Variants in DPEP1 observed in about 807,000 individuals in gnomAD.
DPEP1 encodes the protein beta-lactamase.
In DPEP1, 50 loss-of-function variants were observed where a neutral mutation model predicts 42.3. The observed-to-expected ratio is 1.18, with a 90% CI of 0.94 to 1.50. The LOEUF (loss-of-function observed/expected upper bound fraction) is 1.50. DPEP1 is among the 40% of genes most tolerant of loss of function. The pLI is 0.00. For synonymous variants in DPEP1, 297 were observed against 234.0 expected (o/e 1.27, Z -2.46); for missense variants, 663 against 553.0 (o/e 1.20, Z -1.99).
intron 1 of DPEP1, among the ~76,000 whole-genome samples, chr16:89,622,904 G>C (rs979475637): frequency 6.6e-6 from 1 of 152,074 alleles, no homozygotes; most frequent in Admixed American, 6.6e-5. Context: ...GGACTAGGGG[G>C]CCTCACTGGG....
intron 1 of DPEP1, among the ~76,000 whole-genome samples, chr16:89,617,183 G>C (rs1475265844): frequency 6.6e-6 from 1 of 152,162 alleles, no homozygotes; most frequent in Non-Finnish European, 1.5e-5. Context: ...AGACAGGGTG[G>C]AGCTAGAACA....
chr16:89,615,093 C>G (rs184854163), intron 1 of DPEP1, among the ~76,000 whole-genome samples: 1 of 152,184 alleles, frequency 6.6e-6, no homozygotes, highest in Non-Finnish European at 1.5e-5. Context: ...GGCCTCCAAA[C>G]GTGGAAGTGT....
intron 2 of DPEP1, among the ~76,000 whole-genome samples, chr16:89,632,762 G>C (rs1464804669): frequency 6.6e-6 from 1 of 152,158 alleles, no homozygotes; most frequent in African/African-American, 2.4e-5. Flanking sequence ...TCTCCAGCAA[G>C]AGTGGAGAGG....
chr16:89,629,335 C>A (rs2059555079), intron 1 of DPEP1, among the ~76,000 whole-genome samples: 1 of 152,046 alleles, frequency 6.6e-6, no homozygotes, highest in Non-Finnish European at 1.5e-5. Context: ...GACCCCATCT[C>A]TACAAAAAAT....
Position 89,637,673 on chromosome 16 carries a change from G to A in DPEP1, c.895G>A (p.Val299Met), listed in dbSNP as rs185952042. 62 of 1,613,056 alleles carry A rather than the reference G, an allele frequency of 3.8e-5. No individual in the cohort carries two copies. Among genetic ancestry groups the A allele is most frequent in the African/African-American group, 2.3e-4 (17 of 75,056 alleles). The change falls in exon 9 of 11, where the codon GTG becomes ATG. Residue 299 changes from valine (V) to methionine (M), a missense_variant. Physicochemically the swap from Val to Met is conservative, Grantham distance 21. Transcript: ENST00000690203. ...HIKEVAGARA[V>M]GFGGDFDGVP... is the part of the protein sequence containing the mutation. ...CAAGGAGGTGGCAGGAGCCAGAGCCGTGGGTTTTGGTGGGGACTTTGATGG... is the reference window on the plus strand; with the variant it reads ...CAAGGAGGTGGCAGGAGCCAGAGCCATGGGTTTTGGTGGGGACTTTGATGG...
intron 2 of DPEP1, among the ~76,000 whole-genome samples, chr16:89,631,125 T>A: frequency 6.6e-6 from 1 of 152,070 alleles, no homozygotes; most frequent in East Asian, 1.9e-4. Flanking sequence ...ACAGGCCCTC[T>A]CAGCCGGCAT....
At chr16:89,639,011 C>T (rs1377145041), downstream of DPEP1, among the ~76,000 whole-genome samples, 1 of 88,772 alleles carries the variant, frequency 1.1e-5, no homozygotes, top group African/African-American at 5.1e-5. Context: ...ACACACACAC[C>T]GCACCCCTGC....
rs1385640755 is a variant in DPEP1 at position 89,630,297 on chromosome 16, C to T, written c.-106-8C>T. On this transcript the variant is annotated splice_region_variant and splice_polypyrimidine_tract_variant and intron_variant, in intron 1 of 10. Transcript: ENST00000690203. ...TTCCACCCACACCTCTGGTGCCTCTCCTGGCAGGCAGAGTGGCTCCTCACA... is the reference window on the plus strand; with the variant it reads ...TTCCACCCACACCTCTGGTGCCTCTTCTGGCAGGCAGAGTGGCTCCTCACA... The T allele has an allele frequency of 3.9e-6, 3 of 766,474 alleles. No homozygotes were observed. The highest frequency in any genetic ancestry group is 6.1e-5 in the East Asian group (2 of 33,056). 47.5% of individuals were successfully genotyped at this position (766,474 alleles called of 1,614,324 possible).
chr16:89,621,009 G>A (rs1249075223), intron 1 of DPEP1, among the ~76,000 whole-genome samples: 1 of 152,184 alleles, frequency 6.6e-6, no homozygotes, highest in Non-Finnish European at 1.5e-5. Flanking sequence ...CGGGTGGGGG[G>A]CCTCAGCTCG....
chr16:89,633,009 G>A (rs1406432176), intron 2 of DPEP1, among the ~76,000 whole-genome samples: 2 of 152,126 alleles, frequency 1.3e-5, no homozygotes, highest in Admixed American at 6.5e-5. Context: ...CCCTCCAAGG[G>A]CGGCTCCTGG....
At chr16:89,627,345 G>A (rs1428583581) in intron 1 of DPEP1, among the ~76,000 whole-genome samples, 2 of 151,658 alleles carry the variant, frequency 1.3e-5, no homozygotes, top group Non-Finnish European at 2.9e-5. Context: ...CACTGTGGGA[G>A]GCCGAGGAGG....
intron 1 of DPEP1, among the ~76,000 whole-genome samples, chr16:89,614,687 C>T (rs1017296034): frequency 7.2e-5 from 11 of 152,110 alleles, no homozygotes; most frequent in East Asian, 1.9e-4. Flanking sequence ...CCCAGCTACT[C>T]GGGAGGCTGA....
intron 1 of DPEP1, among the ~76,000 whole-genome samples, chr16:89,629,253 A>G (rs1356400155): frequency 6.6e-6 from 1 of 152,150 alleles, no homozygotes; most frequent in Non-Finnish European, 1.5e-5. Flanking sequence ...TAATCCCCGC[A>G]GTTTGAGAGG....
chr16:89,635,402 G>A (rs960489996), intron 2 of DPEP1, among the ~76,000 whole-genome samples: 14 of 152,172 alleles, frequency 9.2e-5, no homozygotes, highest in Admixed American at 7.9e-4. Flanking sequence ...GCCTGTACTC[G>A]ACACCCTGCT....
At chr16:89,623,370 C>T (rs953144104) in intron 1 of DPEP1, among the ~76,000 whole-genome samples, 2 of 152,114 alleles carry the variant, frequency 1.3e-5, no homozygotes, top group African/African-American at 4.8e-5. Context: ...CCACACAAAG[C>T]CTGGGGTCGA....
chr16:89,631,978 C>G (rs1387553996), intron 2 of DPEP1, among the ~76,000 whole-genome samples: 2 of 152,066 alleles, frequency 1.3e-5, no homozygotes, highest in African/African-American at 4.8e-5. Flanking sequence ...TGCTGGCCAG[C>G]AGGGAGGAGG....
At chr16:89,618,515 G>T (rs2059404742) in intron 1 of DPEP1, among the ~76,000 whole-genome samples, 1 of 152,104 alleles carries the variant, frequency 6.6e-6, no homozygotes, top group Non-Finnish European at 1.5e-5. Flanking sequence ...ACCAGGTCTG[G>T]CCTACATTAT....
At chr16:89,630,571 G>A in intron 2 of DPEP1, 57 bp downstream of exon 2, 2 of 761,496 alleles carry the variant, frequency 2.6e-6, no homozygotes, top group Non-Finnish European at 3.9e-6. Context: ...CTGGGGCTGG[G>A]AGAGCGGGGC....
chr16:89,632,683 G>A (rs1178609637), intron 2 of DPEP1, among the ~76,000 whole-genome samples: 1 of 152,148 alleles, frequency 6.6e-6, no homozygotes, highest in African/African-American at 2.4e-5. Flanking sequence ...ACTGCCATTT[G>A]CCCTGGCCAT....
Sources: allele counts gnomAD v4.1 joint callset (sites outside exome capture counted in the v4.1 genomes callset), GRCh38; gene constraint gnomAD v4.1.1; transcripts MANE v1.5; gene names NCBI Gene and HGNC (gene_info 2026-07-23, HGNC 2026-07-21).